The following SMURF2 variants were observed in gnomAD, a reference collection of about 807,000 sequenced individuals.
SMURF2 encodes the protein E3 ubiquitin-protein ligase SMURF2.
A neutral mutation model predicts 109.6 loss-of-function variants in SMURF2; 48 were observed. The ratio of observed to expected loss-of-function variants is 0.44; its 90% CI spans 0.35 to 0.56. The LOEUF is 0.56. Ranked by LOEUF, SMURF2 falls within the 20% of genes least tolerant of loss-of-function variation. The probability of loss-of-function intolerance (pLI) is 0.01; values close to 1 mark genes in which losing one functional copy is unlikely to be tolerated. For synonymous variants in SMURF2, 288 were observed against 317.1 expected (o/e 0.91, Z 0.97); for missense variants, 575 against 909.0 (o/e 0.63, Z 4.72).
chr17:64,546,382 C>CATT (rs1555683119), intron 17 of SMURF2, 44 bp from the exon 18 acceptor site: 4 of 1,543,442 alleles, frequency 2.6e-6, no homozygotes, highest in Non-Finnish European at 8.9e-7. Flanking sequence ...CAGGTGCGTG[C>CATT]ATTAGTCTCC....
intron 16 of SMURF2, among the ~76,000 whole-genome samples, chr17:64,550,750 C>A (rs1467187413): frequency 1.5e-5 from 2 of 130,974 alleles, no homozygotes; most frequent in African/African-American, 2.9e-5. Flanking sequence ...CTGGGCAACT[C>A]TGTCTCCAAA....
At position 64,662,192 on chromosome 17, in the gene SMURF2, C is replaced by G. The variant is rs1258925245; in HGVS notation, c.-312G>C. The G allele has an allele frequency of 2.9e-6, 3 of 1,034,140 alleles. No individual in the cohort carries two copies. Among genetic ancestry groups the G allele is most frequent in the African/African-American group, 1.7e-5 (1 of 57,958 alleles). 64.1% of individuals were successfully genotyped at this position (1,034,140 alleles called of 1,614,324 possible). ...GGCCGCCGAGGCCTTTCCCTCCTCT[C>G]GTCTCGGCGAGGCCCAGTAGCCGAC... is the stretch of plus-strand genomic sequence containing the variant. On this transcript the variant is annotated 5_prime_UTR_variant, in exon 1 of 19. Coordinates refer to ENST00000262435, the MANE Select transcript of SMURF2 (RefSeq NM_022739.4).
At chr17:64,580,702 A>G (rs1007886180) in intron 8 of SMURF2, 87 bp downstream of exon 8, 2 of 1,335,306 alleles carry the variant, frequency 1.5e-6, no homozygotes, top group South Asian at 1.3e-5. Flanking sequence ...GCTCAGATTA[A>G]TAACTTTTTC....
intron 7 of SMURF2, among the ~76,000 whole-genome samples, chr17:64,582,630 G>A (rs781909580): frequency 1.3e-5 from 2 of 151,836 alleles, no homozygotes; most frequent in Non-Finnish European, 1.5e-5. Flanking sequence ...ACTGAGTCTC[G>A]CTCTATCGCC....
At position 64,547,909 on chromosome 17, in the gene SMURF2, T is replaced by C. The variant is rs1968982127; in HGVS notation, c.1870-108A>G. ...CTGCTGGCTGTCATTTGGTGGTTCCTAATTAAAGATGCACATCAGAATCAT... is the reference window on the plus strand; with the variant it reads ...CTGCTGGCTGTCATTTGGTGGTTCCCAATTAAAGATGCACATCAGAATCAT... On this transcript the variant is annotated intron_variant, in intron 16 of 18. Transcript: ENST00000262435. This position sits in a 1 kb window ranked among gnomAD's most constrained non-coding sequence, Gnocchi z 4.2. 2 of 852,912 alleles carry C rather than the reference T, an allele frequency of 2.3e-6. No individual in the cohort carries two copies. The highest frequency in any genetic ancestry group is 3.8e-6 in the Non-Finnish European group (2 of 528,714). The allele number at this position is 852,912 out of a possible 1,614,324, so 52.8% of individuals were successfully genotyped here. A position where few individuals can be genotyped will look rare whatever the true frequency, so the allele number is the denominator to read the frequency against.
chr17:64,659,332 A>T (rs1303341750), intron 1 of SMURF2, among the ~76,000 whole-genome samples: 2 of 152,180 alleles, frequency 1.3e-5, no homozygotes, highest in African/African-American at 4.8e-5. Flanking sequence ...TAAAGCAAAG[A>T]ACAATAATTT....
intron 1 of SMURF2, among the ~76,000 whole-genome samples, chr17:64,650,904 G>A (rs565640839): frequency 6.9e-4 from 93 of 135,580 alleles, no homozygotes; most frequent in Non-Finnish European, 8.9e-4. Flanking sequence ...AGGAATGCAC[G>A]GTGGTTAAAA....
At chr17:64,596,281 A>G (rs1969815775) in intron 3 of SMURF2, among the ~76,000 whole-genome samples, 1 of 152,038 alleles carries the variant, frequency 6.6e-6, no homozygotes, top group African/African-American at 2.4e-5. Context: ...GCTTAATGTC[A>G]TCTGTTTCTT....
At chr17:64,616,492 T>G (rs1380015780) in intron 1 of SMURF2, among the ~76,000 whole-genome samples, 1 of 151,512 alleles carries the variant, frequency 6.6e-6, no homozygotes, top group Non-Finnish European at 1.5e-5. Context: ...CTTCTAAAAA[T>G]ACAAAAAATC....
intron 1 of SMURF2, among the ~76,000 whole-genome samples, chr17:64,624,636 A>G (rs1215274244): frequency 7.9e-5 from 12 of 152,070 alleles, no homozygotes; most frequent in Admixed American, 7.9e-4. Context: ...AGCCTGGGCA[A>G]CATGGTGAGA....
intron 2 of SMURF2, among the ~76,000 whole-genome samples, chr17:64,599,827 C>A (rs1173272244): frequency 6.6e-6 from 1 of 152,198 alleles, no homozygotes; most frequent in African/African-American, 2.4e-5. Flanking sequence ...AAAGGGCATA[C>A]AGGAGAAGGA....
At chr17:64,545,992 G>A in intron 18 of SMURF2, 45 bp from the exon 19 acceptor site, 1 of 1,261,614 alleles carries the variant, frequency 7.9e-7, no homozygotes, top group Non-Finnish European at 1.2e-6. Context: ...TTCAAAATAA[G>A]TAAACTGGCC....
intron 1 of SMURF2, among the ~76,000 whole-genome samples, chr17:64,643,800 AGAG>A (rs1970521676): frequency 2.0e-5 from 3 of 152,134 alleles, no homozygotes; most frequent in Admixed American, 2.0e-4. Flanking sequence ...AAGAATTCTC[AGAG>A]GAGATGATGC....
At chr17:64,610,978 C>G (rs974016180) in intron 1 of SMURF2, among the ~76,000 whole-genome samples, 1 of 152,184 alleles carries the variant, frequency 6.6e-6, no homozygotes, top group Non-Finnish European at 1.5e-5. Context: ...TGACTACTCC[C>G]TCTTCTAGAA....
chr17:64,559,915 T>TC (rs1302262031), intron 12 of SMURF2, among the ~76,000 whole-genome samples: 1 of 151,472 alleles, frequency 6.6e-6, no homozygotes, highest in Non-Finnish European at 1.5e-5. Context: ...ACCCAGCTAA[T>TC]CTTTTTTTTT....
In SMURF2 at chr17:64,547,443, AAAG is replaced by A. The variant is rs1408282182; in HGVS notation, c.2071+154_2071+156del. On this transcript the variant is annotated intron_variant, in intron 17 of 18. Coordinates refer to ENST00000262435, the MANE Select transcript of SMURF2 (RefSeq NM_022739.4). This position sits in a 1 kb window ranked among gnomAD's most constrained non-coding sequence, Gnocchi z 4.2. ...AAGGCTCTTGGGAAGGGAACAAAAGAAAGGAGGGAGAAGAAGGTATCACAATGT... is the reference window on the plus strand; with the variant it reads ...AAGGCTCTTGGGAAGGGAACAAAAGAGAGGGAGAAGAAGGTATCACAATGT... 2.6e-5 allele frequency among the ~76,000 whole-genome samples: 4 copies of A among 152,206 alleles called. No homozygotes were observed. The highest frequency in any genetic ancestry group is 9.7e-5 in the African/African-American group (4 of 41,448).
At position 64,545,249 on chromosome 17, in the gene SMURF2, T is replaced by C. The variant is rs988298832; in HGVS notation, c.*599A>G. The C allele has an allele frequency of 3.3e-5, 5 of 152,572 alleles. No individual in the cohort carries two copies. Among genetic ancestry groups the C allele is most frequent in the South Asian group, 2.1e-4 (1 of 4,832 alleles). The allele number at this position is 152,572 out of a possible 1,614,324, so 9.5% of individuals were successfully genotyped here. On this transcript the variant is annotated 3_prime_UTR_variant, in exon 19 of 19. Transcript: ENST00000262435. ...GTAAAAAAGACCCACTTAGACTAGG[T>C]TGAAACATATAATGCAAAATATAAT...
chr17:64,610,038 A>C (rs1555689372), intron 1 of SMURF2, among the ~76,000 whole-genome samples: 15 of 152,248 alleles, frequency 9.9e-5, no homozygotes. Context: ...AGAGAAATGC[A>C]AATCAAAACC....
intron 17 of SMURF2, among the ~76,000 whole-genome samples, chr17:64,546,775 G>A (rs1033439571): frequency 1.3e-5 from 2 of 152,164 alleles, no homozygotes; most frequent in South Asian, 4.1e-4. Context: ...ATTTCAGTTC[G>A]CACAGGCACC....
Sources: allele counts gnomAD v4.1 joint callset (sites outside exome capture counted in the v4.1 genomes callset), GRCh38; gene constraint gnomAD v4.1.1; non-coding constraint Gnocchi (gnomAD v3.1); transcripts MANE v1.5; gene names NCBI Gene and HGNC (gene_info 2026-07-23, HGNC 2026-07-21).